Variants in KHDRBS2 observed in about 807,000 individuals in gnomAD.
KHDRBS2 encodes the protein KH RNA binding domain containing, signal transduction associated 2, also known as KH domain-containing, RNA-binding, signal transduction-associated protein 2.
Under a neutral mutation model 44.3 loss-of-function variants are expected in KHDRBS2, and 26 were observed. The ratio of observed to expected loss-of-function variants is 0.59; its 90% CI spans 0.43 to 0.81. The LOEUF is 0.81. Among genes scored for constraint, KHDRBS2 ranks in the 40% least tolerant of loss-of-function variants. The pLI is 0.00. For missense variants in KHDRBS2, 476 were observed against 433.1 expected (o/e 1.10, Z -0.88); for synonymous variants, 194 against 151.1 (o/e 1.28, Z -2.08).
intron 4 of KHDRBS2, among the ~76,000 whole-genome samples, chr6:61,939,661 CTTTTACA>C (rs1302916576): frequency 6.6e-6 from 1 of 152,178 alleles, no homozygotes; most frequent in African/African-American, 2.4e-5. Context: ...TTATTTCCTG[CTTTTACA>C]TTTATAAATG....
At chr6:62,083,538 T>C (rs1797822361) in intron 2 of KHDRBS2, among the ~76,000 whole-genome samples, 1 of 152,122 alleles carries the variant, frequency 6.6e-6, no homozygotes, top group Non-Finnish European at 1.5e-5. Flanking sequence ...AAGGAGCACA[T>C]TGTAACACAT....
chr6:61,656,839 A>G, the KHDRBS2 span, among the ~76,000 whole-genome samples: 1 of 151,966 alleles, frequency 6.6e-6, no homozygotes, highest in East Asian at 1.9e-4. Flanking sequence ...AAACATTCCT[A>G]AAACAGAAAT....
chr6:61,689,475 G>A (rs775702076), intron 8 of KHDRBS2, among the ~76,000 whole-genome samples: 10 of 151,854 alleles, frequency 6.6e-5, no homozygotes, highest in Non-Finnish European at 1.5e-4. Flanking sequence ...GGAAAACTGT[G>A]CCCTTAGTTT....
At position 61,680,903 on chromosome 6, in the gene KHDRBS2, T is replaced by C; in HGVS notation, c.*60A>G. ...GACTATTACTTGTCTTGTTGCTGTT[T>C]ATGTGGAGACCACAGGCTATGAATT... On this transcript the variant is annotated 3_prime_UTR_variant, in exon 9 of 9. Coordinates refer to ENST00000281156, the MANE Select transcript of KHDRBS2 (RefSeq NM_152688.4). 2.8e-6 allele frequency: 3 copies of C among 1,056,432 alleles called. No homozygotes were observed. The highest frequency in any genetic ancestry group is 4.4e-6 in the Non-Finnish European group (3 of 689,598). The allele number at this position is 1,056,432 out of a possible 1,614,324, so 65.4% of individuals were successfully genotyped here. A position where few individuals can be genotyped will look rare whatever the true frequency, so the allele number is the denominator to read the frequency against.
At chr6:61,603,667 A>T in the KHDRBS2 span, among the ~76,000 whole-genome samples, 1 of 152,098 alleles carries the variant, frequency 6.6e-6, no homozygotes, top group Non-Finnish European at 1.5e-5. Flanking sequence ...CACTCTCTAC[A>T]GTTCTCATAA....
intron 8 of KHDRBS2, among the ~76,000 whole-genome samples, chr6:61,688,219 T>C (rs866751796): frequency 5.3e-5 from 8 of 151,864 alleles, no homozygotes; most frequent in Non-Finnish European, 8.8e-5. Context: ...AGTTAATAAC[T>C]CATTTAAATA....
intron 1 of KHDRBS2, among the ~76,000 whole-genome samples, chr6:62,282,788 C>T (rs1440278107): frequency 6.6e-6 from 1 of 152,108 alleles, no homozygotes; most frequent in African/African-American, 2.4e-5. Flanking sequence ...AATATACAAA[C>T]ATCACTTCGT....
intron 2 of KHDRBS2, among the ~76,000 whole-genome samples, chr6:62,113,304 G>A (rs1378175593): frequency 3.9e-5 from 6 of 152,028 alleles, no homozygotes; most frequent in Admixed American, 3.3e-4. Flanking sequence ...AAAAATAGGA[G>A]AGGAGGAAAA....
chr6:61,749,186 T>A (rs1777303272), intron 6 of KHDRBS2, among the ~76,000 whole-genome samples: 1 of 151,804 alleles, frequency 6.6e-6, no homozygotes, highest in African/African-American at 2.4e-5. Flanking sequence ...CTAATTTTTT[T>A]GTATTTTTAG....
intron 6 of KHDRBS2, among the ~76,000 whole-genome samples, chr6:61,867,886 G>A (rs1798017852): frequency 6.6e-6 from 1 of 152,124 alleles, no homozygotes; most frequent in African/African-American, 2.4e-5. Flanking sequence ...GGAGGTGGCT[G>A]GGGACCCCAG....
At chr6:61,769,273 G>A (rs1255172739) in intron 6 of KHDRBS2, among the ~76,000 whole-genome samples, 1 of 152,076 alleles carries the variant, frequency 6.6e-6, no homozygotes, top group Non-Finnish European at 1.5e-5. Context: ...TTCCAACTGA[G>A]GTACCGGGTT....
chr6:61,946,976 G>C (rs1023611985), intron 4 of KHDRBS2, among the ~76,000 whole-genome samples: 1 of 152,152 alleles, frequency 6.6e-6, no homozygotes, highest in African/African-American at 2.4e-5. Flanking sequence ...AAAGGATCTT[G>C]GGCGGGCAAA....
At chr6:62,066,089 A>C (rs1459819032) in intron 2 of KHDRBS2, among the ~76,000 whole-genome samples, 2 of 151,742 alleles carry the variant, frequency 1.3e-5, no homozygotes, top group African/African-American at 4.8e-5. Flanking sequence ...TTAGGGGTAC[A>C]TTCTTCAAGC....
intron 6 of KHDRBS2, among the ~76,000 whole-genome samples, chr6:61,862,427 C>A (rs1797129304): frequency 6.6e-6 from 1 of 152,102 alleles, no homozygotes; most frequent in Non-Finnish European, 1.5e-5. Flanking sequence ...CCAGCTTTTG[C>A]CCATTCAGTA....
chr6:61,557,934 CTCCAAGTAATCTCTAATGA>C, the KHDRBS2 span, among the ~76,000 whole-genome samples: 15 of 152,126 alleles, frequency 9.9e-5, no homozygotes, highest in Non-Finnish European at 1.9e-4. Context: ...CATACAGTTG[CTCCAAGTAATCTCTAATGA>C]TCCTTTGACG....
intron 6 of KHDRBS2, among the ~76,000 whole-genome samples, chr6:61,821,619 C>T (rs1285051790): frequency 6.6e-6 from 1 of 151,894 alleles, no homozygotes; most frequent in Non-Finnish European, 1.5e-5. Context: ...GGCTATGTTC[C>T]CACTACGCAT....
At chr6:61,620,965 T>A in the KHDRBS2 span, among the ~76,000 whole-genome samples, 1 of 152,188 alleles carries the variant, frequency 6.6e-6, no homozygotes, top group African/African-American at 2.4e-5. Flanking sequence ...CTCTCTTTTA[T>A]CCCTAATATG....
the KHDRBS2 span, among the ~76,000 whole-genome samples, chr6:61,607,851 C>G: frequency 2.0e-5 from 3 of 152,120 alleles, no homozygotes; most frequent in Admixed American, 2.0e-4. Context: ...CCACGCCTGG[C>G]TATTTTTTGT....
intron 4 of KHDRBS2, among the ~76,000 whole-genome samples, chr6:61,955,459 CAT>C (rs1208158337): frequency 1.8e-5 from 2 of 112,224 alleles, no homozygotes; most frequent in African/African-American, 7.4e-5. Context: ...TGTATATATA[CAT>C]ATGTGTATAT....
Sources: allele counts gnomAD v4.1 joint callset (sites outside exome capture counted in the v4.1 genomes callset), GRCh38; gene constraint gnomAD v4.1.1; transcripts MANE v1.5; gene names NCBI Gene and HGNC (gene_info 2026-07-23, HGNC 2026-07-21).